DLGAP1: variants seen among roughly 807,000 people sequenced by gnomAD.
DLGAP1 encodes DLG associated protein 1, also known as disks large-associated protein 1.
DLGAP1 carries 11 observed loss-of-function variants against 90.8 expected under a neutral mutation model. That is an observed-to-expected ratio of 0.12 (90% CI 0.08 to 0.20). The LOEUF is 0.20. Among genes scored for constraint, DLGAP1 ranks in the 10% least tolerant of loss-of-function variants. The probability of loss-of-function intolerance (pLI) is 1.00; values close to 1 mark genes in which losing one functional copy is unlikely to be tolerated. For synonymous variants in DLGAP1, 558 were observed against 540.7 expected (o/e 1.03, Z -0.44); for missense variants, 1,050 against 1,333.8 (o/e 0.79, Z 3.31).
chr18:3,533,045 G>C (rs573135820), intron 10 of DLGAP1, among the ~76,000 whole-genome samples: 7 of 152,040 alleles, frequency 4.6e-5, no homozygotes, highest in Middle Eastern at 3.4e-3. Flanking sequence ...TAATCCCAGC[G>C]CTTTGGGAGG....
intron 8 of DLGAP1, among the ~76,000 whole-genome samples, chr18:3,570,499 G>A (rs1194017208): frequency 2.0e-5 from 3 of 151,704 alleles, no homozygotes; most frequent in South Asian, 4.2e-4. Context: ...GGCTGGTCTC[G>A]ACCTCCCAAC....
At position 3,534,110 on chromosome 18, in the gene DLGAP1, GC is replaced by G. The variant is rs1447592548; in HGVS notation, c.2479+83del. 3 of 1,437,410 alleles carry G rather than the reference GC, an allele frequency of 2.1e-6. No individual in the cohort carries two copies. In the African/African-American group the frequency reaches 4.3e-5, roughly 20 times the overall value. 89.0% of individuals were successfully genotyped at this position (1,437,410 alleles called of 1,614,324 possible). On this transcript the variant is annotated intron_variant, in intron 10 of 12. Coordinates refer to ENST00000315677, the MANE Select transcript of DLGAP1 (RefSeq NM_004746.4). Reference sequence around the variant, plus strand: ...CGTCAAGGTTATACAAGTGAAGCTGGCAGAGAAGAAAACAACAAGGTCTGCA... The same window carrying G: ...CGTCAAGGTTATACAAGTGAAGCTGGAGAGAAGAAAACAACAAGGTCTGCA...
intron 1 of DLGAP1, among the ~76,000 whole-genome samples, chr18:4,310,132 G>A (rs970346769): frequency 2.0e-5 from 3 of 152,194 alleles, no homozygotes; most frequent in African/African-American, 7.2e-5. Flanking sequence ...TCACCTAGGA[G>A]ATACTTCTGT....
chr18:3,758,009 G>A lies in DLGAP1; in HGVS notation c.1173-15497C>T, dbSNP rs568702080. On this transcript the variant is annotated intron_variant, in intron 5 of 12. Coordinates refer to ENST00000315677, the MANE Select transcript of DLGAP1 (RefSeq NM_004746.4). Reference sequence around the variant, plus strand: ...TGGGTGCCTGTAATCCTAGCTACTCGGGAGGCTGAGGCAGAGAATTGCTTG... The same window carrying A: ...TGGGTGCCTGTAATCCTAGCTACTCAGGAGGCTGAGGCAGAGAATTGCTTG... Among the ~76,000 whole-genome samples, 4 of 151,804 alleles carry A rather than the reference G, an allele frequency of 2.6e-5. No individual in the cohort carries two copies. In the South Asian group the frequency reaches 6.2e-4, roughly 24 times the overall value.
chr18:4,327,292 T>C (rs2080843620), intron 1 of DLGAP1, among the ~76,000 whole-genome samples: 1 of 152,024 alleles, frequency 6.6e-6, no homozygotes, highest in East Asian at 1.9e-4. Flanking sequence ...TTACACAAGG[T>C]ACACATATAT....
At chr18:3,784,573 C>G (rs1379008127) in intron 5 of DLGAP1, among the ~76,000 whole-genome samples, 1 of 152,140 alleles carries the variant, frequency 6.6e-6, no homozygotes, top group African/African-American at 2.4e-5. Context: ...AATGTCAGTG[C>G]GTTCTCTGAT....
chr18:4,379,140 C>G (rs550042995), intron 1 of DLGAP1, among the ~76,000 whole-genome samples: 1 of 152,100 alleles, frequency 6.6e-6, no homozygotes, highest in East Asian at 1.9e-4. Context: ...GAATGGGAAA[C>G]TATGGAAGCC....
intron 7 of DLGAP1, among the ~76,000 whole-genome samples, chr18:3,643,491 G>A (rs1480770845): frequency 6.6e-6 from 1 of 151,700 alleles, no homozygotes; most frequent in African/African-American, 2.4e-5. Context: ...GTGAAACCTC[G>A]TCTCTACTAA....
chr18:3,637,359 A>G (rs1227457738), intron 7 of DLGAP1, among the ~76,000 whole-genome samples: 1 of 152,010 alleles, frequency 6.6e-6, no homozygotes, highest in Non-Finnish European at 1.5e-5. Context: ...CCTTCTAGAA[A>G]CACGTTTAGT....
intron 4 of DLGAP1, among the ~76,000 whole-genome samples, chr18:3,869,616 T>A (rs1256251520): frequency 1.3e-5 from 2 of 152,216 alleles, no homozygotes; most frequent in Admixed American, 6.5e-5. Context: ...GAAAGCTTTC[T>A]GCGTTTAGTC....
intron 4 of DLGAP1, among the ~76,000 whole-genome samples, chr18:3,870,343 A>G (rs895238307): frequency 6.6e-6 from 1 of 152,232 alleles, no homozygotes; most frequent in Non-Finnish European, 1.5e-5. Flanking sequence ...TATTGTGCCC[A>G]TATGTACCCG....
chr18:3,534,085 C>G, intron 10 of DLGAP1, 109 bp downstream of exon 10: 3 of 1,266,918 alleles, frequency 2.4e-6, no homozygotes, highest in Non-Finnish European at 3.3e-6. Context: ...GGGTGTGGAA[C>G]GTCAAGGTTA....
chr18:3,622,110 C>CTT (rs796466754), intron 7 of DLGAP1, among the ~76,000 whole-genome samples: 1 of 145,840 alleles, frequency 6.9e-6, no homozygotes, highest in Non-Finnish European at 1.5e-5. Flanking sequence ...TAAGCTGATT[C>CTT]TTTTTTTTTT....
intron 8 of DLGAP1, chr18:3,580,632 T>C: frequency 6.3e-7 from 1 of 1,597,774 alleles, no homozygotes; most frequent in Non-Finnish European, 8.5e-7. Context: ...GGTGAGCCTT[T>C]GTCGGCTGAC....
intron 5 of DLGAP1, among the ~76,000 whole-genome samples, chr18:3,761,524 A>G (rs2063961321): frequency 6.6e-6 from 1 of 151,930 alleles, no homozygotes; most frequent in South Asian, 2.1e-4. Context: ...GTTATTGTGA[A>G]TAATGCTGTG....
Position 3,576,667 on chromosome 18 carries a change from C to G in DLGAP1, c.1965+5208G>C, listed in dbSNP as rs1599331594. Among the ~76,000 whole-genome samples, 2 of 144,958 alleles carry G rather than the reference C, an allele frequency of 1.4e-5. 1 individual carries two copies. Among genetic ancestry groups the G allele is most frequent in the South Asian group, 4.5e-4 (2 of 4,412 alleles). ...GCAACCTTCGCCTCCCAGGTTCAAA[C>G]GATTCTCCTGCCTCAGCCTCCCGAG... On this transcript the variant is annotated intron_variant, in intron 8 of 12. Coordinates refer to ENST00000315677, the MANE Select transcript of DLGAP1 (RefSeq NM_004746.4).
intron 3 of DLGAP1, among the ~76,000 whole-genome samples, chr18:3,918,448 C>G (rs1266712218): frequency 6.6e-6 from 1 of 151,980 alleles, no homozygotes; most frequent in Admixed American, 6.6e-5. Context: ...CTGTTTTTAA[C>G]ATATAAAAGT....
chr18:4,450,398 C>T (rs1377791557), intron 1 of DLGAP1, among the ~76,000 whole-genome samples: 2 of 152,176 alleles, frequency 1.3e-5, no homozygotes, highest in Non-Finnish European at 2.9e-5. Flanking sequence ...CAGCAAGTTA[C>T]TCTAGCAGAT....
At chr18:4,161,268 T>C (rs1473043718) in intron 1 of DLGAP1, among the ~76,000 whole-genome samples, 1 of 152,068 alleles carries the variant, frequency 6.6e-6, no homozygotes, top group African/African-American at 2.4e-5. Flanking sequence ...CCAGTGTGTG[T>C]TGTTTCCCCG....
Sources: gnomAD v4.1 joint callset for allele counts (sites outside exome capture counted in the v4.1 genomes callset) on GRCh38, gnomAD v4.1.1 for gene constraint, MANE v1.5 for transcripts, NCBI Gene and HGNC (gene_info 2026-07-23, HGNC 2026-07-21) for gene names.